The following PEBP4 variants were observed in gnomAD, a reference collection of about 807,000 sequenced individuals.
PEBP4 encodes phosphatidylethanolamine binding protein 4, also known as phosphatidylethanolamine-binding protein 4.
In PEBP4, 22 loss-of-function variants were observed where a neutral mutation model predicts 23.9. That is an observed-to-expected ratio of 0.92 (90% CI 0.66 to 1.31). The LOEUF is 1.31. Among genes scored for constraint, PEBP4 ranks in the 40% most tolerant of loss-of-function variants. PEBP4 has a pLI of 0.00. For synonymous variants in PEBP4, 112 were observed against 99.3 expected (o/e 1.13, Z -0.76); for missense variants, 324 against 281.7 (o/e 1.15, Z -1.07).
At chr8:22,767,732 C>T (rs1268422737) in intron 4 of PEBP4, among the ~76,000 whole-genome samples, 1 of 151,888 alleles carries the variant, frequency 6.6e-6, no homozygotes, top group Non-Finnish European at 1.5e-5. Context: ...GACCTATGTA[C>T]TTGATGTATG....
At chr8:22,934,351 G>A (rs1005769438) in intron 1 of PEBP4, among the ~76,000 whole-genome samples, 2 of 152,210 alleles carry the variant, frequency 1.3e-5, no homozygotes, top group African/African-American at 4.8e-5. Context: ...GTATGCAATT[G>A]AAGTTAAGTT....
At chr8:22,847,971 A>T (rs1390473617) in intron 3 of PEBP4, among the ~76,000 whole-genome samples, 1 of 152,220 alleles carries the variant, frequency 6.6e-6, no homozygotes, top group Non-Finnish European at 1.5e-5. Flanking sequence ...TAAACATTTT[A>T]AAACAAACCT....
chr8:22,727,118 C>T, intron 5 of PEBP4, 57 bp downstream of exon 5: 1 of 1,591,146 alleles, frequency 6.3e-7, no homozygotes, highest in Non-Finnish European at 8.6e-7. Flanking sequence ...GGTTTTGATT[C>T]CTGTGATCGT....
intron 3 of PEBP4, among the ~76,000 whole-genome samples, chr8:22,818,570 G>C (rs938928616): frequency 3.9e-5 from 6 of 152,154 alleles, no homozygotes; most frequent in African/African-American, 7.2e-5. Flanking sequence ...TCTAGGCCTG[G>C]ATAGGGAGTG....
At chr8:22,719,735 G>C (rs549316495) in intron 6 of PEBP4, among the ~76,000 whole-genome samples, 1 of 152,310 alleles carries the variant, frequency 6.6e-6, no homozygotes, top group East Asian at 1.9e-4. Context: ...GTTTGCCCTG[G>C]GGTAGGGGTG....
At chr8:22,721,741 T>G (rs764736479) in intron 6 of PEBP4, among the ~76,000 whole-genome samples, 3 of 152,002 alleles carry the variant, frequency 2.0e-5, no homozygotes, top group South Asian at 2.1e-4. Flanking sequence ...CTCCACGGAT[T>G]CTCTCCCCTG....
chr8:22,880,870 C>T (rs1313947776), intron 3 of PEBP4, among the ~76,000 whole-genome samples: 2 of 152,196 alleles, frequency 1.3e-5, no homozygotes, highest in Non-Finnish European at 2.9e-5. Flanking sequence ...ACCTCAAGAC[C>T]TTGATGCAGT....
chr8:22,897,031 G>T (rs1808602534), intron 3 of PEBP4, among the ~76,000 whole-genome samples: 2 of 148,424 alleles, frequency 1.3e-5, no homozygotes, highest in South Asian at 4.2e-4. Context: ...GTGTGTATGT[G>T]TGTGTGTGTG....
intron 3 of PEBP4, among the ~76,000 whole-genome samples, chr8:22,882,470 C>T (rs894526936): frequency 9.2e-5 from 14 of 152,252 alleles, no homozygotes; most frequent in African/African-American, 2.2e-4. Context: ...GAATGTACCA[C>T]GACTTTTTGT....
intron 3 of PEBP4, among the ~76,000 whole-genome samples, chr8:22,916,517 G>A (rs1392518870): frequency 2.0e-5 from 3 of 152,204 alleles, no homozygotes; most frequent in Admixed American, 6.5e-5. Context: ...CCACCCCTAG[G>A]GGGAGGAGAG....
chr8:22,929,515 C>T (rs752994400), upstream of PEBP4, among the ~76,000 whole-genome samples: 1 of 152,220 alleles, frequency 6.6e-6, no homozygotes, highest in African/African-American at 2.4e-5. Flanking sequence ...CCTTACTCCA[C>T]GTGCCAGGCA....
chr8:22,795,133 ATGTGTGTGTG>A (rs201306654), intron 4 of PEBP4, among the ~76,000 whole-genome samples: 1 of 115,838 alleles, frequency 8.6e-6, no homozygotes, highest in Admixed American at 9.9e-5. Context: ...GTGTATATAT[ATGTGTGTGTG>A]TATATATATA....
chr8:22,902,186 G>T (rs536157317), intron 3 of PEBP4, among the ~76,000 whole-genome samples: 1 of 151,976 alleles, frequency 6.6e-6, no homozygotes, highest in Non-Finnish European at 1.5e-5. Flanking sequence ...AAAATTAGCC[G>T]GGCTTGGTGG....
At chr8:22,771,787 C>T (rs773289778) in intron 4 of PEBP4, among the ~76,000 whole-genome samples, 4 of 152,224 alleles carry the variant, frequency 2.6e-5, no homozygotes, top group Admixed American at 2.6e-4. Flanking sequence ...CTTTCCATGG[C>T]AATGGCCTGG....
chr8:22,885,833 A>C (rs148294265), intron 3 of PEBP4: 1 of 152,322 alleles, frequency 6.6e-6, no homozygotes, highest in East Asian at 1.9e-4. Context: ...GTCTGTGTGC[A>C]AGAGAAGGGG....
At chr8:22,778,874 G>T (rs961099282) in intron 4 of PEBP4, among the ~76,000 whole-genome samples, 4 of 152,152 alleles carry the variant, frequency 2.6e-5, no homozygotes, top group Non-Finnish European at 5.9e-5. Flanking sequence ...TTAGTGCCCC[G>T]CACAGTCAGG....
intron 3 of PEBP4, among the ~76,000 whole-genome samples, chr8:22,871,598 A>G (rs1349106973): frequency 1.5e-5 from 2 of 134,696 alleles, no homozygotes; most frequent in Non-Finnish European, 1.5e-5. Flanking sequence ...CTCTGTTGCC[A>G]GACTGGAGTG....
intron 3 of PEBP4, among the ~76,000 whole-genome samples, chr8:22,824,090 T>A (rs1183921972): frequency 6.6e-6 from 1 of 152,190 alleles, no homozygotes; most frequent in African/African-American, 2.4e-5. Context: ...ATTGTACACA[T>A]GTACATGACT....
At position 22,775,327 on chromosome 8, in the gene PEBP4, G is replaced by A. The variant is rs1395236784; in HGVS notation, c.357+42310C>T. Among the ~76,000 whole-genome samples the A allele has an allele frequency of 1.3e-5, 2 of 152,244 alleles. No individual in the cohort carries two copies. The highest frequency in any genetic ancestry group is 2.9e-5 in the Non-Finnish European group (2 of 68,046). On this transcript the variant is annotated intron_variant, in intron 4 of 6. Transcript: ENST00000256404. The surrounding 1 kb of genome is among the most constrained non-coding windows in gnomAD (Gnocchi z 4.8). ...GGTGGGCAATGGGAAGGCCGTCAGG[G>A]CCCGTCTGCCAGGGAGAAGCCTCCG... is the stretch of plus-strand genomic sequence containing the variant.
Sources: gnomAD v4.1 joint callset for allele counts (sites outside exome capture counted in the v4.1 genomes callset) on GRCh38, gnomAD v4.1.1 for gene constraint, Gnocchi (gnomAD v3.1) non-coding constraint, MANE v1.5 for transcripts, NCBI Gene and HGNC (gene_info 2026-07-23, HGNC 2026-07-21) for gene names.